Variants in PRTFDC1 observed in about 807,000 individuals in gnomAD.
PRTFDC1 encodes phosphoribosyl transferase domain containing 1.
In PRTFDC1, 38 loss-of-function variants were observed where a neutral mutation model predicts 34.6. The observed-to-expected ratio is 1.10, with a 90% CI of 0.85 to 1.44. PRTFDC1 has a LOEUF of 1.44. Among genes scored for constraint, PRTFDC1 ranks in the 40% most tolerant of loss-of-function variants. The probability of loss-of-function intolerance (pLI) is 0.00; values close to 1 mark genes in which losing one functional copy is unlikely to be tolerated. For synonymous variants in PRTFDC1, 93 were observed against 98.1 expected (o/e 0.95, Z 0.31); for missense variants, 270 against 283.0 (o/e 0.95, Z 0.33).
intron 8 of PRTFDC1, among the ~76,000 whole-genome samples, chr10:24,851,136 T>C (rs1194214985): frequency 1.3e-5 from 2 of 152,206 alleles, no homozygotes; most frequent in East Asian, 1.9e-4. Context: ...TGTCAAACCA[T>C]AGTTCTGCTT....
chr10:24,858,366 G>C (rs1386622489), intron 5 of PRTFDC1, 26 bp downstream of exon 5: 1 of 1,607,998 alleles, frequency 6.2e-7, no homozygotes, highest in African/African-American at 1.3e-5. Context: ...CAACCTCCAA[G>C]TATGGAAAAG....
At chr10:24,934,542 C>T (rs944564566) in intron 3 of PRTFDC1, among the ~76,000 whole-genome samples, 3 of 152,218 alleles carry the variant, frequency 2.0e-5, no homozygotes, top group African/African-American at 7.2e-5. Flanking sequence ...CTGAAGGCTT[C>T]ATCTGCATGA....
Position 24,859,617 on chromosome 10 carries a change from A to G in PRTFDC1, c.406-1208T>C, listed in dbSNP as rs193046432. On this transcript the variant is annotated intron_variant, in intron 4 of 8. Coordinates refer to ENST00000320152, the MANE Select transcript of PRTFDC1 (RefSeq NM_020200.7). Reference sequence around the variant, plus strand: ...AACAGATGCCAGCACCATGCTTCCTATACAGCCTGCGGAACTGTGAGCCAA... The same window carrying G: ...AACAGATGCCAGCACCATGCTTCCTGTACAGCCTGCGGAACTGTGAGCCAA... Among the ~76,000 whole-genome samples the G allele has an allele frequency of 6.3e-3, 966 of 152,292 alleles. 6 individuals carry two copies. Among genetic ancestry groups the G allele is most frequent in the Non-Finnish European group, 0.01 (693 of 68,040 alleles).
chr10:24,871,069 T>TAA (rs11314430), intron 4 of PRTFDC1, among the ~76,000 whole-genome samples: 3,986 of 102,958 alleles, frequency 0.039, 255 homozygotes, highest in African/African-American at 0.14. Context: ...AGACTCTGTC[T>TAA]AAAAAAAAAA....
chr10:24,878,900 C>T lies in PRTFDC1; in HGVS notation c.340-6837G>A, dbSNP rs1031968250. ...ACAAAGGCTGTCTCAATATTCTCCG[C>T]CCCCACAGAGGCCTTAACTTTGCTT... is the stretch of plus-strand genomic sequence containing the variant. On this transcript the variant is annotated intron_variant, in intron 3 of 8. Coordinates refer to ENST00000320152, the MANE Select transcript of PRTFDC1 (RefSeq NM_020200.7). Among the ~76,000 whole-genome samples the T allele has an allele frequency of 1.4e-4, 22 of 152,294 alleles. No homozygotes were observed. In the East Asian group the frequency reaches 2.7e-3, roughly 19 times the overall value.
chr10:24,948,463 C>T (rs1849287269), intron 1 of PRTFDC1, among the ~76,000 whole-genome samples: 1 of 152,180 alleles, frequency 6.6e-6, no homozygotes, highest in African/African-American at 2.4e-5. Context: ...ACCTTAGGAT[C>T]TACCTCTCTT....
intron 3 of PRTFDC1, among the ~76,000 whole-genome samples, chr10:24,884,062 C>A (rs953901541): frequency 6.6e-6 from 1 of 151,688 alleles, no homozygotes; most frequent in African/African-American, 2.4e-5. Context: ...GAACTCCTGA[C>A]CTCAGGTGAT....
At chr10:24,865,255 A>G (rs929259995) in intron 4 of PRTFDC1, among the ~76,000 whole-genome samples, 1 of 152,012 alleles carries the variant, frequency 6.6e-6, no homozygotes, top group East Asian at 1.9e-4. Flanking sequence ...TGTATTTCTG[A>G]TTCATCCCCT....
chr10:24,930,682 A>G (rs1037714481), intron 3 of PRTFDC1, among the ~76,000 whole-genome samples: 1 of 152,044 alleles, frequency 6.6e-6, no homozygotes, highest in Non-Finnish European at 1.5e-5. Context: ...CACCACTTAC[A>G]TGCTGCTTGA....
At position 24,952,594 on chromosome 10, in the gene PRTFDC1, G is replaced by C. The variant is rs756778662; in HGVS notation, c.-19C>G. 3 of 1,578,308 alleles carry C rather than the reference G, an allele frequency of 1.9e-6. No individual in the cohort carries two copies. The highest frequency in any genetic ancestry group is 1.7e-6 in the Non-Finnish European group (2 of 1,162,040). ...CGGCCATGTTTCTCCCGGGGAACGC[G>C]GGAAGGGAAGACGGCGCGGGAAGGA... On this transcript the variant is annotated 5_prime_UTR_variant, in exon 1 of 9. Transcript: ENST00000320152. This position sits in a 1 kb window ranked among gnomAD's most constrained non-coding sequence, Gnocchi z 5.1.
At chr10:24,910,902 T>G (rs1848616602) in intron 3 of PRTFDC1, among the ~76,000 whole-genome samples, 1 of 152,014 alleles carries the variant, frequency 6.6e-6, no homozygotes. Flanking sequence ...ATTTTTTTTT[T>G]TTTTTTGCAA....
At chr10:24,928,632 T>TG (rs1366766728) in intron 3 of PRTFDC1, among the ~76,000 whole-genome samples, 1 of 151,988 alleles carries the variant, frequency 6.6e-6, no homozygotes, top group Admixed American at 6.5e-5. Flanking sequence ...TTAGTAGAGA[T>TG]GGGGTTTCAC....
intron 3 of PRTFDC1, chr10:24,908,501 A>G (rs1848572545): frequency 6.2e-7 from 1 of 1,611,958 alleles, no homozygotes; most frequent in South Asian, 1.1e-5. Context: ...TGGATCTCAG[A>G]CCTAATTCTG....
intron 7 of PRTFDC1, among the ~76,000 whole-genome samples, chr10:24,854,230 C>T (rs1847536939): frequency 6.6e-6 from 1 of 152,168 alleles, no homozygotes; most frequent in Non-Finnish European, 1.5e-5. Flanking sequence ...CACTGAGTAT[C>T]CTGTACTATT....
chr10:24,927,877 C>T (rs1033962), intron 3 of PRTFDC1, among the ~76,000 whole-genome samples: 49,128 of 151,936 alleles, frequency 0.32, 9,343 homozygotes, highest in African/African-American at 0.53. Context: ...CTATTGCACC[C>T]GGCACAGGAC....
rs553795942 is a variant in PRTFDC1, at chr10:24,856,499, A to G, written c.506+414T>C. Among the ~76,000 whole-genome samples, 6 of 152,196 alleles carry G rather than the reference A, an allele frequency of 3.9e-5. No homozygotes were observed. In the South Asian group the frequency reaches 1.2e-3, roughly 32 times the overall value. ...GCTACTCGGGAAGCTGAGGCATCAG[A>G]ATTGTTTGAACCCAGGGGGTGGAGG... is the stretch of plus-strand genomic sequence containing the variant. On this transcript the variant is annotated intron_variant, in intron 6 of 8. Coordinates refer to ENST00000320152, the MANE Select transcript of PRTFDC1 (RefSeq NM_020200.7).
chr10:24,948,189 T>C (rs1377841599), intron 1 of PRTFDC1, among the ~76,000 whole-genome samples: 4 of 152,204 alleles, frequency 2.6e-5, no homozygotes, highest in African/African-American at 7.2e-5. Flanking sequence ...ACAACAATCA[T>C]TTCTGATTTC....
chr10:24,913,250 G>A (rs1311733745), intron 3 of PRTFDC1, among the ~76,000 whole-genome samples: 2 of 152,106 alleles, frequency 1.3e-5, no homozygotes, highest in Non-Finnish European at 2.9e-5. Context: ...TCCCCATGTT[G>A]GTTCACTTAG....
At chr10:24,927,146 T>C (rs993483462) in intron 3 of PRTFDC1, among the ~76,000 whole-genome samples, 1 of 152,234 alleles carries the variant, frequency 6.6e-6, no homozygotes, top group Non-Finnish European at 1.5e-5. Flanking sequence ...CAATGCTAGA[T>C]GATCTCTTTT....
Sources: allele counts gnomAD v4.1 joint callset (sites outside exome capture counted in the v4.1 genomes callset), GRCh38; gene constraint gnomAD v4.1.1; non-coding constraint Gnocchi (gnomAD v3.1); transcripts MANE v1.5; gene names NCBI Gene and HGNC (gene_info 2026-07-23, HGNC 2026-07-21).